Variants in PALS1 observed in about 807,000 individuals in gnomAD.
PALS1 encodes the protein protein PALS1.
PALS1 carries 31 observed loss-of-function variants against 78.9 expected under a neutral mutation model. That is an observed-to-expected ratio of 0.39 (90% CI 0.30 to 0.53). The LOEUF is 0.53. PALS1 is among the 20% of genes least tolerant of loss of function. The pLI is 0.67. For synonymous variants in PALS1, 276 were observed against 270.9 expected (o/e 1.02, Z -0.18); for missense variants, 704 against 826.5 (o/e 0.85, Z 1.82).
At chr14:67,326,829 A>G (rs568016256) in intron 14 of PALS1, among the ~76,000 whole-genome samples, 5 of 152,376 alleles carry the variant, frequency 3.3e-5, no homozygotes, top group African/African-American at 9.6e-5. Flanking sequence ...GTAATATACT[A>G]TGATATTAAT....
intron 8 of PALS1, among the ~76,000 whole-genome samples, chr14:67,306,705 G>A (rs940596566): frequency 6.6e-6 from 1 of 152,050 alleles, no homozygotes; most frequent in Admixed American, 6.6e-5. Context: ...ACTCTCAATT[G>A]CAATATATCT....
At chr14:67,254,207 T>TTGAGTTTC (rs2084111061) in intron 1 of PALS1, 1 of 146,064 alleles carries the variant, frequency 6.8e-6, no homozygotes, top group African/African-American at 2.6e-5. Context: ...TTTTTAGATT[T>TTGAGTTTC]TAAGTTTCTT....
chr14:67,273,619 A>G (rs988278799), intron 2 of PALS1, among the ~76,000 whole-genome samples: 1 of 152,136 alleles, frequency 6.6e-6, no homozygotes, highest in Non-Finnish European at 1.5e-5. Context: ...ATGATTTATA[A>G]TCCTTTGGGT....
intron 14 of PALS1, among the ~76,000 whole-genome samples, chr14:67,329,395 T>G (rs1235356087): frequency 6.6e-6 from 1 of 152,216 alleles, no homozygotes; most frequent in African/African-American, 2.4e-5. Flanking sequence ...GATGGAGTTT[T>G]CTACATGTAC....
chr14:67,316,097 AAAAAT>A (rs1407975764), intron 9 of PALS1, among the ~76,000 whole-genome samples: 5 of 152,372 alleles, frequency 3.3e-5, no homozygotes, highest in Admixed American at 2.0e-4. Flanking sequence ...AAGTAGATTT[AAAAAT>A]AAAATAAAAA....
chr14:67,327,261 C>A (rs2085372390), intron 14 of PALS1, among the ~76,000 whole-genome samples: 1 of 152,130 alleles, frequency 6.6e-6, no homozygotes, highest in Non-Finnish European at 1.5e-5. Context: ...GTTTTCATTT[C>A]TCTTGGATAA....
chr14:67,302,211 A>G, intron 6 of PALS1, 93 bp downstream of exon 6: 2 of 1,346,830 alleles, frequency 1.5e-6, no homozygotes, highest in Non-Finnish European at 2.0e-6. Context: ...TAATGAATAG[A>G]GTATTTCTGA....
At chr14:67,293,833 GT>G (rs1367976444) in intron 4 of PALS1, among the ~76,000 whole-genome samples, 1 of 152,148 alleles carries the variant, frequency 6.6e-6, no homozygotes, top group Non-Finnish European at 1.5e-5. Context: ...TAGGAGGAAG[GT>G]TTGTCCAGCT....
intron 3 of PALS1, among the ~76,000 whole-genome samples, chr14:67,290,796 A>G (rs1252810178): frequency 1.3e-5 from 2 of 152,144 alleles, no homozygotes; most frequent in African/African-American, 4.8e-5. Context: ...CAGTTTCCCA[A>G]AGTGCTGGGG....
intron 5 of PALS1, 117 bp from the exon 6 acceptor site, chr14:67,301,851 CTAAT>C: frequency 9.0e-7 from 1 of 1,108,736 alleles, no homozygotes; most frequent in African/African-American, 1.6e-5. Context: ...ATTATTAGCT[CTAAT>C]TAATTATAAC....
intron 1 of PALS1, among the ~76,000 whole-genome samples, chr14:67,265,890 T>G (rs907193859): frequency 1.3e-5 from 2 of 150,828 alleles, no homozygotes; most frequent in Non-Finnish European, 3.0e-5. Context: ...GAAAACAAAG[T>G]AAACCCAGGA....
intron 3 of PALS1, chr14:67,280,117 T>A (rs1016330793): frequency 6.6e-6 from 1 of 152,264 alleles, no homozygotes; most frequent in Admixed American, 6.5e-5. Flanking sequence ...CCAAATGGAT[T>A]TTGAGAACTC....
intron 8 of PALS1, among the ~76,000 whole-genome samples, chr14:67,309,335 G>C (rs958678209): frequency 6.6e-6 from 1 of 152,118 alleles, no homozygotes; most frequent in East Asian, 1.9e-4. Context: ...TATCTGTTAA[G>C]GCAATACCCA....
intron 1 of PALS1, among the ~76,000 whole-genome samples, chr14:67,256,248 T>A (rs1240228461): frequency 6.9e-6 from 1 of 144,574 alleles, no homozygotes; most frequent in Non-Finnish European, 1.6e-5. Context: ...TTTATAAACA[T>A]CTTCTATGTA....
intron 1 of PALS1, among the ~76,000 whole-genome samples, chr14:67,248,402 T>A (rs190013837): frequency 1.3e-5 from 2 of 152,256 alleles, no homozygotes; most frequent in Admixed American, 6.5e-5. Flanking sequence ...CTAAAATACT[T>A]AATGAAGTCA....
intron 8 of PALS1, among the ~76,000 whole-genome samples, chr14:67,309,264 G>A (rs1473392635): frequency 6.6e-6 from 1 of 152,118 alleles, no homozygotes; most frequent in Non-Finnish European, 1.5e-5. Context: ...AAGATTGGTG[G>A]AGATAACTTC....
intron 1 of PALS1, among the ~76,000 whole-genome samples, chr14:67,250,326 A>AC (rs2084047681): frequency 6.6e-6 from 1 of 152,186 alleles, no homozygotes; most frequent in African/African-American, 2.4e-5. Context: ...AGCTGTGACT[A>AC]CTGTTTGATG....
intron 7 of PALS1, among the ~76,000 whole-genome samples, chr14:67,303,158 T>G (rs1010787366): frequency 6.6e-6 from 1 of 152,218 alleles, no homozygotes; most frequent in South Asian, 2.1e-4. Flanking sequence ...ATTTCCATCA[T>G]TGGAGAAAGT....
At position 67,333,631 on chromosome 14, in the gene PALS1, C is replaced by CTCTAA. The variant is rs1491332373; in HGVS notation, c.*680_*684dup. The CTCTAA allele has an allele frequency of 6.6e-6, 1 of 152,600 alleles. No homozygotes were observed. Among genetic ancestry groups the CTCTAA allele is most frequent in the Admixed American group, 6.5e-5 (1 of 15,286 alleles). The allele number at this position is 152,600 out of a possible 1,614,324, so 9.5% of individuals were successfully genotyped here. The stretch of plus-strand genomic sequence containing the variant: ...TGGATCAGACTCTACACTCAACACA[C>CTCTAA]TCTAATCTACTTAAAGGTATACAAA... On this transcript the variant is annotated 3_prime_UTR_variant, in exon 15 of 15. Transcript: ENST00000261681.
Sources: gnomAD v4.1 joint callset for allele counts (sites outside exome capture counted in the v4.1 genomes callset) on GRCh38, gnomAD v4.1.1 for gene constraint, MANE v1.5 for transcripts, NCBI Gene and HGNC (gene_info 2026-07-23, HGNC 2026-07-21) for gene names.